The following SETD3 variants were observed in gnomAD, a reference collection of about 807,000 sequenced individuals.
The protein encoded by SETD3 is SET domain containing 3, actin N3(tau)-histidine methyltransferase.
SETD3 carries 19 observed loss-of-function variants against 63.0 expected under a neutral mutation model. That is an observed-to-expected ratio of 0.30 (90% CI 0.21 to 0.44). The LOEUF (loss-of-function observed/expected upper bound fraction) is 0.44. Among genes scored for constraint, SETD3 ranks in the 20% least tolerant of loss-of-function variants. The pLI, the probability that SETD3 is intolerant of heterozygous loss-of-function variation, is 1.00. For synonymous variants in SETD3, 286 were observed against 264.1 expected, an observed-to-expected ratio of 1.08 and a Z score of -0.80; for missense variants, 587 against 728.5, an observed-to-expected ratio of 0.81 and a Z score of 2.24.
intron 6 of SETD3, among the ~76,000 whole-genome samples, chr14:99,456,687 T>A (rs1195291420): frequency 3.9e-5 from 6 of 152,198 alleles, no homozygotes; most frequent in Non-Finnish European, 1.5e-5. Flanking sequence ...GACACCTGGC[T>A]CTTAAACAAA....
chr14:99,435,709 G>A (rs1355247142), intron 6 of SETD3, among the ~76,000 whole-genome samples: 1 of 149,982 alleles, frequency 6.7e-6, no homozygotes, highest in Non-Finnish European at 1.5e-5. Flanking sequence ...TCACACACCT[G>A]TAGGAGAAAC....
intron 8 of SETD3, among the ~76,000 whole-genome samples, chr14:99,407,714 G>A (rs1478879115): frequency 6.6e-6 from 1 of 152,114 alleles, no homozygotes; most frequent in Non-Finnish European, 1.5e-5. Context: ...TCTCAGGGAA[G>A]CCCCTCCTTA....
chr14:99,426,208 T>C (rs963431942), intron 6 of SETD3, among the ~76,000 whole-genome samples: 6 of 152,258 alleles, frequency 3.9e-5, no homozygotes, highest in Non-Finnish European at 2.9e-5. Context: ...GACCTCTAAA[T>C]GTCTAACCCA....
intron 6 of SETD3, among the ~76,000 whole-genome samples, chr14:99,421,777 G>A (rs146201138): frequency 1.6e-3 from 238 of 152,204 alleles, no homozygotes; most frequent in African/African-American, 5.5e-3. Flanking sequence ...CATTAAAAGC[G>A]TACCCAAGTT....
chr14:99,467,431 G>A (rs575048860), intron 1 of SETD3, among the ~76,000 whole-genome samples: 4 of 152,240 alleles, frequency 2.6e-5, no homozygotes, highest in Non-Finnish European at 5.9e-5. Context: ...TCACAGCCAA[G>A]AGCAAGGGCA....
chr14:99,414,059 C>G (rs1892151564), intron 6 of SETD3, 125 bp from the exon 7 acceptor site: 1 of 805,774 alleles, frequency 1.2e-6, no homozygotes, highest in East Asian at 2.6e-5. Context: ...AAGCAGGCGG[C>G]GTCCAGCCGC....
chr14:99,450,656 C>T (rs764656096), intron 6 of SETD3, among the ~76,000 whole-genome samples: 1 of 152,144 alleles, frequency 6.6e-6, no homozygotes, highest in African/African-American at 2.4e-5. Flanking sequence ...ATGCTTGCCT[C>T]GAAACAAAAT....
intron 11 of SETD3, among the ~76,000 whole-genome samples, chr14:99,400,985 C>G (rs1891358510): frequency 6.6e-6 from 1 of 151,898 alleles, no homozygotes. Context: ...ACAAAAAATA[C>G]AAAATTAGCC....
chr14:99,470,672 C>A (rs1299682380), intron 1 of SETD3, among the ~76,000 whole-genome samples: 1 of 152,182 alleles, frequency 6.6e-6, no homozygotes, highest in African/African-American at 2.4e-5. Flanking sequence ...ACTTAAGTCA[C>A]TGAAGGCAAG....
intron 1 of SETD3, 121 bp from the exon 2 acceptor site, chr14:99,465,934 T>C (rs1895346830): frequency 1.0e-5 from 6 of 576,622 alleles, no homozygotes; most frequent in Admixed American, 9.7e-5. Flanking sequence ...TTACCTTACA[T>C]GAAGTTTTCT....
Position 99,398,901 on chromosome 14 carries a change from CA to C in SETD3, c.1562del (p.Leu521ArgfsTer3), listed in dbSNP as rs768408769. On this transcript the variant is annotated frameshift_variant, in exon 13 of 13. Transcript: ENST00000331768. LOFTEE classifies it low-confidence loss of function (END_TRUNC). ...ESSVGDSRLP[L>X]VLRNLEEEAG... The stretch of plus-strand genomic sequence containing the variant: ...CCTCCTCCTCGAGGTTTCTCAAGAC[CA>C]GGGGGAGCCTCGAGTCCCCCACGCT... The C allele has an allele frequency of 6.8e-6, 11 of 1,614,108 alleles. No individual in the cohort carries two copies. In the South Asian group the frequency reaches 8.8e-5, roughly 13 times the overall value.
intron 8 of SETD3, 30 bp from the exon 9 acceptor site, chr14:99,406,620 G>A (rs765479918): frequency 6.3e-7 from 1 of 1,599,196 alleles, no homozygotes; most frequent in South Asian, 1.1e-5. Flanking sequence ...GGAAATGATG[G>A]TGAGGCAAAC....
chr14:99,453,070 G>A (rs928148801), intron 6 of SETD3, among the ~76,000 whole-genome samples: 1 of 152,108 alleles, frequency 6.6e-6, no homozygotes, highest in African/African-American at 2.4e-5. Context: ...AAAACTGAGA[G>A]CAGGTCACAG....
At chr14:99,469,012 C>T (rs1895548234) in intron 1 of SETD3, among the ~76,000 whole-genome samples, 1 of 152,180 alleles carries the variant, frequency 6.6e-6, no homozygotes, top group Admixed American at 6.5e-5. Context: ...GTTTCCATCC[C>T]CTTGGAACAG....
intron 1 of SETD3, among the ~76,000 whole-genome samples, chr14:99,474,464 A>G (rs1219695282): frequency 1.3e-5 from 2 of 152,258 alleles, no homozygotes; most frequent in African/African-American, 4.8e-5. Flanking sequence ...AGATGTATAA[A>G]GATCTATAAA....
chr14:99,426,733 CTTTA>C, intron 6 of SETD3, among the ~76,000 whole-genome samples: 1 of 152,088 alleles, frequency 6.6e-6, no homozygotes, highest in South Asian at 2.1e-4. Flanking sequence ...AAAATTTGCC[CTTTA>C]TTTTTTAAGG....
chr14:99,470,032 C>A (rs1338107022), intron 1 of SETD3, among the ~76,000 whole-genome samples: 1 of 152,228 alleles, frequency 6.6e-6, no homozygotes, highest in African/African-American at 2.4e-5. Flanking sequence ...ACCTCCCTAG[C>A]AAGGTCTTCG....
chr14:99,458,471 C>T lies in SETD3; in HGVS notation c.483G>A (p.Leu161=). ...AMGNIALAFH[L]LCERASPNSF... The stretch of plus-strand genomic sequence containing the variant: ...AGTTAGGGCTGGCTCGCTCACACAG[C>T]AAATGAAAGGCCAGTGCGATGTTTC... Residue 161 remains leucine, a synonymous_variant, in exon 6 of 13, where the codon TTG becomes TTA. Transcript: ENST00000331768. The T allele has an allele frequency of 6.2e-7, 1 of 1,614,102 alleles. No homozygotes were observed. The highest frequency in any genetic ancestry group is 8.5e-7 in the Non-Finnish European group (1 of 1,180,020).
intron 6 of SETD3, among the ~76,000 whole-genome samples, chr14:99,427,118 G>T (rs1177559337): frequency 6.6e-6 from 1 of 152,198 alleles, no homozygotes; most frequent in Non-Finnish European, 1.5e-5. Flanking sequence ...CCCAAGTGTG[G>T]TCATTTTGCA....
Sources: gnomAD v4.1 joint callset for allele counts (sites outside exome capture counted in the v4.1 genomes callset) on GRCh38, gnomAD v4.1.1 for gene constraint, MANE v1.5 for transcripts, NCBI Gene and HGNC (gene_info 2026-07-23, HGNC 2026-07-21) for gene names.